Variants in SEPTIN9 observed in about 807,000 individuals in gnomAD.
SEPTIN9 encodes septin 9.
A neutral mutation model predicts 56.6 loss-of-function variants in SEPTIN9; 13 were observed. That is an observed-to-expected ratio of 0.23 (90% CI 0.15 to 0.37). SEPTIN9 has a LOEUF of 0.37. Among genes scored for constraint, SEPTIN9 ranks in the 10% least tolerant of loss-of-function variants. SEPTIN9 has a pLI of 1.00. For missense variants in SEPTIN9, 650 were observed against 823.1 expected, an observed-to-expected ratio of 0.79 and a Z score of 2.57; for synonymous variants, 332 against 334.1, an observed-to-expected ratio of 0.99 and a Z score of 0.07.
At chr17:77,365,009 C>A (rs529397928) in intron 2 of SEPTIN9, among the ~76,000 whole-genome samples, 2 of 152,354 alleles carry the variant, frequency 1.3e-5, no homozygotes, top group East Asian at 3.9e-4. Context: ...GTTAGAGCAT[C>A]GGGTCTTTGT....
intron 3 of SEPTIN9, among the ~76,000 whole-genome samples, chr17:77,410,231 C>G (rs1030606840): frequency 6.6e-6 from 1 of 152,116 alleles, no homozygotes; most frequent in Non-Finnish European, 1.5e-5. Context: ...CTGACCCTGT[C>G]CCCCCATCCC....
At chr17:77,455,391 C>T (rs892376828) in intron 3 of SEPTIN9, among the ~76,000 whole-genome samples, 2 of 152,222 alleles carry the variant, frequency 1.3e-5, no homozygotes, top group African/African-American at 4.8e-5. Flanking sequence ...CCCGGCAGGG[C>T]CTGCTGCCCC....
intron 4 of SEPTIN9, among the ~76,000 whole-genome samples, chr17:77,485,630 G>A (rs79379813): frequency 0.017 from 2,660 of 152,014 alleles, 76 homozygotes; most frequent in African/African-American, 0.058. Context: ...CTAAGGTGTC[G>A]TGGCTGGAAC....
intron 1 of SEPTIN9, chr17:77,281,937 G>A (rs930917331): frequency 1.3e-5 from 3 of 237,888 alleles, no homozygotes; most frequent in African/African-American, 2.3e-5. Context: ...CAGCCTCTAG[G>A]GCTGGTGGTC....
intron 3 of SEPTIN9, among the ~76,000 whole-genome samples, chr17:77,415,435 C>T (rs914744801): frequency 2.0e-5 from 3 of 152,038 alleles, no homozygotes; most frequent in Non-Finnish European, 4.4e-5. Context: ...GGCAAAACCC[C>T]GTCTCTACTA....
rs1439705893 is a variant in SEPTIN9 at position 77,475,049 on chromosome 17, AC to A, written c.722-7093del. Reference sequence around the variant, plus strand: ...GCCTGGCACAGAGAGCCCCCAGTAAACCTCGGCTGCTGTGATGAGCTTTGTT... The same window carrying A: ...GCCTGGCACAGAGAGCCCCCAGTAAACTCGGCTGCTGTGATGAGCTTTGTT... On this transcript the variant is annotated intron_variant, in intron 3 of 11. Coordinates refer to ENST00000427177, the MANE Select transcript of SEPTIN9 (RefSeq NM_001113491.2). The surrounding 1 kb of genome is among the most constrained non-coding windows in gnomAD (Gnocchi z 4.6). Among the ~76,000 whole-genome samples the A allele has an allele frequency of 1.3e-5, 2 of 151,686 alleles. No individual in the cohort carries two copies. The highest frequency in any genetic ancestry group is 3.9e-4 in the East Asian group (2 of 5,182).
chr17:77,290,814 CATAAATAAATAA>C (rs71160222), intron 1 of SEPTIN9, among the ~76,000 whole-genome samples: 15 of 141,384 alleles, frequency 1.1e-4, no homozygotes, highest in African/African-American at 1.9e-4. Context: ...GACCCTGTCT[CATAAATAAATAA>C]ATAAATAAAT....
chr17:77,483,242 C>A lies in SEPTIN9; in HGVS notation c.913+907C>A, dbSNP rs115642810. 6.6e-3 allele frequency: 1,019 copies of A among 153,408 alleles called. 11 individuals carry two copies. Among genetic ancestry groups the A allele is most frequent in the African/African-American group, 0.023 (968 of 41,582 alleles). The allele number at this position is 153,408 out of a possible 1,614,324, so 9.5% of individuals were successfully genotyped here. On this transcript the variant is annotated intron_variant, in intron 4 of 11. Coordinates refer to ENST00000427177, the MANE Select transcript of SEPTIN9 (RefSeq NM_001113491.2). Reference sequence around the variant, plus strand: ...CTGCCCAGCTCTGTGGACGCAAACCCACACCTGCCAGCCCGACACCTTTCT... The same window carrying A: ...CTGCCCAGCTCTGTGGACGCAAACCAACACCTGCCAGCCCGACACCTTTCT...
chr17:77,486,799 A>G (rs1224399758), intron 4 of SEPTIN9, among the ~76,000 whole-genome samples: 1 of 152,174 alleles, frequency 6.6e-6, no homozygotes, highest in East Asian at 1.9e-4. Flanking sequence ...ACCACCCTGC[A>G]GGCCAGCGCC....
intron 2 of SEPTIN9, among the ~76,000 whole-genome samples, chr17:77,352,878 C>T (rs1373455576): frequency 6.6e-6 from 1 of 152,058 alleles, no homozygotes; most frequent in Non-Finnish European, 1.5e-5. Context: ...GTCTCAAACT[C>T]CTGCGCTCAG....
rs76663361 is a variant in SEPTIN9 at position 77,353,384 on chromosome 17, C to A, written c.76+46187C>A. ...GTACCAGGTACCTGGAAGGTGCTAGCGAGTAGAGCTTGACTCTTTACAGAA... is the reference window on the plus strand; with the variant it reads ...GTACCAGGTACCTGGAAGGTGCTAGAGAGTAGAGCTTGACTCTTTACAGAA... On this transcript the variant is annotated intron_variant, in intron 2 of 11. Coordinates refer to ENST00000427177, the MANE Select transcript of SEPTIN9 (RefSeq NM_001113491.2). Among the ~76,000 whole-genome samples the A allele has an allele frequency of 3.9e-5, 6 of 152,092 alleles. No homozygotes were observed. In the South Asian group the frequency reaches 1.2e-3, roughly 32 times the overall value.
rs1257188355 is a variant in SEPTIN9 at position 77,476,256 on chromosome 17, G to T, written c.722-5888G>T. Among the ~76,000 whole-genome samples, 8 of 152,182 alleles carry T rather than the reference G, an allele frequency of 5.3e-5. No homozygotes were observed. Among genetic ancestry groups the T allele is most frequent in the African/African-American group, 1.9e-4 (8 of 41,418 alleles). On this transcript the variant is annotated intron_variant, in intron 3 of 11. Transcript: ENST00000427177. This position sits in a 1 kb window ranked among gnomAD's most constrained non-coding sequence, Gnocchi z 6.0. ...GCCTGCTGTGTCAAGCCCTCTCTCG[G>T]CACCAGGCCAGGTGGGCCAGGGTCA...
intron 2 of SEPTIN9, among the ~76,000 whole-genome samples, chr17:77,396,516 A>G (rs60409173): frequency 0.018 from 2,791 of 152,116 alleles, 94 homozygotes; most frequent in African/African-American, 0.063. Context: ...AGGACCTGCT[A>G]CCCCTGGGCA....
chr17:77,373,260 A>C, intron 2 of SEPTIN9: 4 of 1,126,762 alleles, frequency 3.5e-6, no homozygotes, highest in Non-Finnish European at 4.3e-6. Context: ...GGGTGCGGGA[A>C]CCTGATCCGC....
chr17:77,300,311 A>G (rs2031981805), intron 1 of SEPTIN9, among the ~76,000 whole-genome samples: 1 of 150,832 alleles, frequency 6.6e-6, no homozygotes, highest in African/African-American at 2.4e-5. Context: ...TCCTAAGGCA[A>G]GGAGGTTGCT....
chr17:77,296,409 A>C (rs930982361), intron 1 of SEPTIN9, among the ~76,000 whole-genome samples: 2 of 152,184 alleles, frequency 1.3e-5, no homozygotes, highest in African/African-American at 4.8e-5. Context: ...AGACACAGAC[A>C]GACAGGCAGA....
intron 2 of SEPTIN9, among the ~76,000 whole-genome samples, chr17:77,328,216 A>G (rs1385673816): frequency 6.6e-6 from 1 of 152,170 alleles, no homozygotes; most frequent in Non-Finnish European, 1.5e-5. Flanking sequence ...CCCCATGCCC[A>G]GGCACTGCCT....
intron 3 of SEPTIN9, among the ~76,000 whole-genome samples, chr17:77,474,367 G>C (rs942555290): frequency 2.6e-5 from 4 of 152,250 alleles, no homozygotes; most frequent in Non-Finnish European, 4.4e-5. Context: ...CGGCCCAGTA[G>C]CTGGTACCAT....
chr17:77,493,116 G>T, intron 10 of SEPTIN9, 40 bp downstream of exon 10: 1 of 1,451,454 alleles, frequency 6.9e-7, no homozygotes. Context: ...CAGATGGGAA[G>T]ACAGTCTCTT....
Sources: allele counts gnomAD v4.1 joint callset (sites outside exome capture counted in the v4.1 genomes callset), GRCh38; gene constraint gnomAD v4.1.1; non-coding constraint Gnocchi (gnomAD v3.1); transcripts MANE v1.5; gene names NCBI Gene and HGNC (gene_info 2026-07-23, HGNC 2026-07-21).